RTN4: variants seen among roughly 807,000 people sequenced by gnomAD.
The protein encoded by RTN4 is reticulon-4.
Under a neutral mutation model 90.4 loss-of-function variants are expected in RTN4, and 32 were observed. That is an observed-to-expected ratio of 0.35 (90% CI 0.27 to 0.48). RTN4 has a LOEUF of 0.48. Ranked by LOEUF, RTN4 falls within the 20% of genes least tolerant of loss-of-function variation. The probability of loss-of-function intolerance (pLI) is 0.99; values close to 1 mark genes in which losing one functional copy is unlikely to be tolerated. For missense variants in RTN4, 1,706 were observed against 1,430.2 expected (o/e 1.19, Z -3.11); for synonymous variants, 629 against 552.5 (o/e 1.14, Z -1.94).
chr2:55,082,966 A>G (rs1036071265), intron 1 of RTN4, among the ~76,000 whole-genome samples: 11 of 152,192 alleles, frequency 7.2e-5, no homozygotes, highest in Non-Finnish European at 1.6e-4. Flanking sequence ...AAAAAGAAGT[A>G]GCATTTCTGA....
At chr2:55,012,669 T>A (rs2104799268) in intron 3 of RTN4, among the ~76,000 whole-genome samples, 1 of 152,276 alleles carries the variant, frequency 6.6e-6, no homozygotes, top group African/African-American at 2.4e-5. Flanking sequence ...TATTTACTTA[T>A]CAGTATGCTA....
intron 1 of RTN4, among the ~76,000 whole-genome samples, chr2:55,088,711 A>G (rs1668885232): frequency 6.6e-6 from 1 of 152,228 alleles, no homozygotes; most frequent in Non-Finnish European, 1.5e-5. Flanking sequence ...AGTTAGTGAA[A>G]GGCAGAAAGA....
At chr2:54,997,632 T>TA (rs777655964) in intron 3 of RTN4, among the ~76,000 whole-genome samples, 2 of 152,070 alleles carry the variant, frequency 1.3e-5, no homozygotes, top group Admixed American at 1.3e-4. Flanking sequence ...TGGATTGTTT[T>TA]AAAAAAAGGT....
the RTN4 span, among the ~76,000 whole-genome samples, chr2:55,120,580 A>C: frequency 1.3e-5 from 2 of 152,094 alleles, no homozygotes; most frequent in African/African-American, 4.8e-5. Flanking sequence ...ATTAAGTTTG[A>C]GATGGTTTAA....
chr2:55,110,144 A>G (rs1028229865), intron 1 of RTN4, among the ~76,000 whole-genome samples: 1 of 151,726 alleles, frequency 6.6e-6, no homozygotes, highest in African/African-American at 2.4e-5. Context: ...CCCCATCTCT[A>G]CCCAAAAAAT....
At chr2:55,102,696 G>A (rs557260973) in intron 1 of RTN4, among the ~76,000 whole-genome samples, 1 of 152,172 alleles carries the variant, frequency 6.6e-6, no homozygotes, top group African/African-American at 2.4e-5. Flanking sequence ...GTATTGAAGG[G>A]TAGGAGGTAG....
chr2:55,079,223 C>T (rs1369531717), intron 2 of RTN4, among the ~76,000 whole-genome samples: 1 of 152,128 alleles, frequency 6.6e-6, no homozygotes, highest in Non-Finnish European at 1.5e-5. Flanking sequence ...ATGGGGGAAA[C>T]CAAACCAATC....
the RTN4 span, among the ~76,000 whole-genome samples, chr2:55,126,005 G>C: frequency 6.7e-6 from 1 of 148,886 alleles, no homozygotes; most frequent in Non-Finnish European, 1.5e-5. Context: ...AGCTTGCAGT[G>C]AGCCGAGATC....
chr2:54,995,270 C>G (rs1011741908), intron 3 of RTN4, among the ~76,000 whole-genome samples: 2 of 151,512 alleles, frequency 1.3e-5, no homozygotes, highest in African/African-American at 2.4e-5. Context: ...AATAAAGACT[C>G]AAAACACTTC....
chr2:54,998,354 C>T (rs1679605832), intron 3 of RTN4, among the ~76,000 whole-genome samples: 1 of 152,114 alleles, frequency 6.6e-6, no homozygotes, highest in Non-Finnish European at 1.5e-5. Context: ...TGTCTTACTA[C>T]CTAACTTTAT....
In RTN4 at chr2:54,972,867, G is replaced by C. The variant is rs920792512; in HGVS notation, c.*289C>G. The C allele has an allele frequency of 3.7e-6, 1 of 271,012 alleles. No individual in the cohort carries two copies. The highest frequency in any genetic ancestry group is 6.7e-6 in the Non-Finnish European group (1 of 148,252). The allele number at this position is 271,012 out of a possible 1,614,324, so 16.8% of individuals were successfully genotyped here. On this transcript the variant is annotated 3_prime_UTR_variant, in exon 9 of 9. Transcript: ENST00000337526. ...ATGCGGCAAGACTATCTGCAACAAA[G>C]TAAAATATACAGGTTTTTTATTCCA...
At chr2:54,973,359 T>TA (rs1677295975) in intron 8 of RTN4, among the ~76,000 whole-genome samples, 161 bp from the exon 9 acceptor site, 1 of 152,206 alleles carries the variant, frequency 6.6e-6, no homozygotes, top group South Asian at 2.1e-4. Context: ...CCTCATGAAT[T>TA]AGATTTAAAC....
chr2:55,131,345 A>C, the RTN4 span, among the ~76,000 whole-genome samples: 1 of 151,860 alleles, frequency 6.6e-6, no homozygotes, highest in Admixed American at 6.6e-5. Context: ...AGTAGCTGGG[A>C]CTACAGGCAT....
At chr2:55,017,076 T>C (rs1681096863) in intron 3 of RTN4, among the ~76,000 whole-genome samples, 1 of 152,174 alleles carries the variant, frequency 6.6e-6, no homozygotes, top group Admixed American at 6.5e-5. Flanking sequence ...TTTCCTTTAT[T>C]AACAAGAGTC....
At chr2:55,114,299 A>C (rs1668085771), upstream of RTN4, among the ~76,000 whole-genome samples, 1 of 152,128 alleles carries the variant, frequency 6.6e-6, no homozygotes, top group South Asian at 2.1e-4. Context: ...TCCACTTTGC[A>C]GTTTGAAATG....
intron 1 of RTN4, among the ~76,000 whole-genome samples, chr2:55,107,561 T>C (rs949537734): frequency 3.9e-5 from 6 of 151,998 alleles, no homozygotes; most frequent in Non-Finnish European, 7.4e-5. Context: ...GGTTTTGTGG[T>C]GGCTAGGAAT....
At chr2:55,106,511 T>C (rs537329813) in intron 1 of RTN4, among the ~76,000 whole-genome samples, 123 of 152,092 alleles carry the variant, frequency 8.1e-4, no homozygotes, top group Non-Finnish European at 1.5e-3. Context: ...GCAAGTTTCA[T>C]GTAATATTTA....
Position 54,987,430 on chromosome 2 carries a change from T to C in RTN4, c.3221+61A>G. ...GTAACTCTATAGACAGTAGATGAAG[T>C]CTTAATACCAATCCTGTTTACACTA... is the stretch of plus-strand genomic sequence containing the variant. On this transcript the variant is annotated intron_variant, in intron 4 of 8. Transcript: ENST00000337526. The C allele has an allele frequency of 2.5e-6, 3 of 1,200,704 alleles. No homozygotes were observed. In the South Asian group the frequency reaches 3.6e-5, roughly 14 times the overall value. The allele number at this position is 1,200,704 out of a possible 1,614,324, so 74.4% of individuals were successfully genotyped here. A position where few individuals can be genotyped will look rare whatever the true frequency, so the allele number is the denominator to read the frequency against.
rs777282392 is a variant in RTN4 at position 54,973,829 on chromosome 2, G to A, written c.3469C>T (p.Arg1157Trp). Residue 1157 changes from arginine to tryptophan, a missense_variant, in exon 7 of 9, where the codon CGG becomes TGG. Coordinates refer to ENST00000337526, the MANE Select transcript of RTN4 (RefSeq NM_020532.5). Reference sequence around the variant, plus strand: ...GTTAGTTAGGAAATTACCTGATGCCGTTCATAAATAACAGGAACACTGAAG... The same window carrying A: ...GTTAGTTAGGAAATTACCTGATGCCATTCATAAATAACAGGAACACTGAAG... Reference protein sequence around the residue: ...SLFSVPVIYERHQAQIDHYLG... With the variant: ...SLFSVPVIYEWHQAQIDHYLG... 3.7e-6 allele frequency: 6 copies of A among 1,613,102 alleles called. No individual in the cohort carries two copies. Among genetic ancestry groups the A allele is most frequent in the South Asian group, 3.3e-5 (3 of 90,868 alleles).
Sources: gnomAD v4.1 joint callset for allele counts (sites outside exome capture counted in the v4.1 genomes callset) on GRCh38, gnomAD v4.1.1 for gene constraint, MANE v1.5 for transcripts, NCBI Gene and HGNC (gene_info 2026-07-23, HGNC 2026-07-21) for gene names.